GRIP1: variants seen among roughly 807,000 people sequenced by gnomAD.
GRIP1 encodes the protein glutamate receptor interacting protein 1, also known as glutamate receptor-interacting protein 1.
A neutral mutation model predicts 129.9 loss-of-function variants in GRIP1; 45 were observed. That is an observed-to-expected ratio of 0.35 (90% confidence interval 0.27 to 0.44). The LOEUF (loss-of-function observed/expected upper bound fraction) is 0.44, where lower values mean the gene tolerates loss of function less well. GRIP1 is among the 20% of genes least tolerant of loss of function. The probability of loss-of-function intolerance (pLI) is 1.00; values close to 1 mark genes in which losing one functional copy is unlikely to be tolerated. For synonymous variants in GRIP1, 530 were observed against 520.8 expected (o/e 1.02, Z -0.24); for missense variants, 1,196 against 1,396.8 (o/e 0.86, Z 2.29).
chr12:67,014,230 G>A (rs1422702498), intron 1 of GRIP1, among the ~76,000 whole-genome samples: 1 of 152,124 alleles, frequency 6.6e-6, no homozygotes, highest in Non-Finnish European at 1.5e-5. Context: ...GACAATTTCA[G>A]TTTGCCCTGG....
chr12:66,698,395 A>G (rs1388787783), intron 1 of GRIP1, among the ~76,000 whole-genome samples: 1 of 152,198 alleles, frequency 6.6e-6, no homozygotes, highest in East Asian at 1.9e-4. Context: ...GTTGAAGAGT[A>G]AAAGCTGTAC....
chr12:66,731,405 G>A (rs1732989568), intron 1 of GRIP1, among the ~76,000 whole-genome samples: 1 of 152,180 alleles, frequency 6.6e-6, no homozygotes, highest in Admixed American at 6.5e-5. Flanking sequence ...ACTGTGGGAT[G>A]AAGGTGCTAT....
At chr12:66,831,153 T>C (rs149113186) in intron 1 of GRIP1, among the ~76,000 whole-genome samples, 2 of 152,178 alleles carry the variant, frequency 1.3e-5, no homozygotes, top group Non-Finnish European at 2.9e-5. Context: ...GGCACACAGC[T>C]TCCTCAGGAA....
At chr12:66,601,651 A>G (rs1168582211) in intron 1 of GRIP1, among the ~76,000 whole-genome samples, 1 of 152,194 alleles carries the variant, frequency 6.6e-6, no homozygotes, top group East Asian at 1.9e-4. Flanking sequence ...GACCCCCTTA[A>G]CATCTTGATT....
At chr12:66,738,487 C>T (rs1035136121) in intron 1 of GRIP1, among the ~76,000 whole-genome samples, 5 of 152,116 alleles carry the variant, frequency 3.3e-5, no homozygotes, top group African/African-American at 1.2e-4. Context: ...TCCCAAAGTG[C>T]TAGGATCACA....
At chr12:66,524,044 C>T (rs1370899159) in intron 5 of GRIP1, among the ~76,000 whole-genome samples, 2 of 152,068 alleles carry the variant, frequency 1.3e-5, no homozygotes, top group Non-Finnish European at 2.9e-5. Context: ...CCTTAGTGAC[C>T]TACAAAGAGA....
chr12:67,043,607 C>T (rs890526900), intron 1 of GRIP1, among the ~76,000 whole-genome samples: 8 of 152,114 alleles, frequency 5.3e-5, no homozygotes, highest in South Asian at 2.1e-4. Flanking sequence ...TTTTCTTCTA[C>T]GCCCCCCATT....
At chr12:66,812,958 T>C (rs998371780) in intron 1 of GRIP1, among the ~76,000 whole-genome samples, 1 of 152,132 alleles carries the variant, frequency 6.6e-6, no homozygotes, top group African/African-American at 2.4e-5. Flanking sequence ...TGCCAGGCAC[T>C]ATTCACACTC....
chr12:66,551,752 T>C (rs571344009), intron 2 of GRIP1, among the ~76,000 whole-genome samples: 2 of 152,058 alleles, frequency 1.3e-5, no homozygotes, highest in East Asian at 3.9e-4. Flanking sequence ...TTTGTTGTTG[T>C]TGTTGTTGTT....
intron 1 of GRIP1, among the ~76,000 whole-genome samples, chr12:67,025,864 A>T (rs978459467): frequency 6.6e-6 from 1 of 152,372 alleles, no homozygotes; most frequent in African/African-American, 2.4e-5. Flanking sequence ...TTTAATTATC[A>T]TGTATAACAG....
In GRIP1 at chr12:66,537,924, C is replaced by T. The variant is rs554565903; in HGVS notation, c.418+1154G>A. ...AACTGGTGCCGCTGTTCTTCCTCTG[C>T]GTTATGATTATAGCAATTCCTCCTT... On this transcript the variant is annotated intron_variant, in intron 4 of 24. Transcript: ENST00000359742. Among the ~76,000 whole-genome samples the T allele has an allele frequency of 1.1e-4, 17 of 152,312 alleles. 1 individual carries two copies. The highest frequency in any genetic ancestry group is 8.3e-4 in the South Asian group (4 of 4,832).
intron 1 of GRIP1, among the ~76,000 whole-genome samples, chr12:66,740,178 A>G (rs2036743536): frequency 6.6e-6 from 1 of 152,212 alleles, no homozygotes; most frequent in South Asian, 2.1e-4. Flanking sequence ...CATGTCTGTT[A>G]GATCACTGAT....
intron 1 of GRIP1, among the ~76,000 whole-genome samples, chr12:66,746,110 G>A (rs1259090957): frequency 6.6e-6 from 1 of 152,116 alleles, no homozygotes; most frequent in Non-Finnish European, 1.5e-5. Context: ...TTTGCTGGCT[G>A]CCACATCGAT....
At chr12:66,818,333 A>C (rs1334752444) in intron 1 of GRIP1, among the ~76,000 whole-genome samples, 3 of 152,230 alleles carry the variant, frequency 2.0e-5, no homozygotes, top group Admixed American at 6.5e-5. Flanking sequence ...AATGGTAGAT[A>C]CAAGTTTTCC....
chr12:66,403,978 G>A, intron 16 of GRIP1, among the ~76,000 whole-genome samples: 1 of 152,152 alleles, frequency 6.6e-6, no homozygotes, highest in Admixed American at 6.5e-5. Context: ...GACATCTGCT[G>A]AGCAGGGCAA....
chr12:66,466,734 G>T (rs1285369736), intron 7 of GRIP1, among the ~76,000 whole-genome samples: 1 of 152,112 alleles, frequency 6.6e-6, no homozygotes, highest in Non-Finnish European at 1.5e-5. Context: ...GCTATATTAT[G>T]ACCTCAAGCC....
intron 17 of GRIP1, among the ~76,000 whole-genome samples, chr12:66,393,242 G>C (rs2056662577): frequency 8.0e-6 from 1 of 125,656 alleles, no homozygotes; most frequent in Non-Finnish European, 1.6e-5. Flanking sequence ...CCAGTGGCAC[G>C]ATCTTGGCTC....
intron 7 of GRIP1, among the ~76,000 whole-genome samples, chr12:66,496,869 GA>G (rs2060252421): frequency 1.3e-5 from 1 of 76,102 alleles, no homozygotes; most frequent in Non-Finnish European, 3.0e-5. Flanking sequence ...AGAAAAGAAA[GA>G]GAGAGGATAG....
chr12:66,951,186 TGAA>T (rs1171484475), intron 1 of GRIP1, among the ~76,000 whole-genome samples: 1 of 152,234 alleles, frequency 6.6e-6, no homozygotes, highest in East Asian at 1.9e-4. Flanking sequence ...AAAAACATAA[TGAA>T]GACTCAACTA....
Sources: gnomAD v4.1 joint callset for allele counts (sites outside exome capture counted in the v4.1 genomes callset) on GRCh38, gnomAD v4.1.1 for gene constraint, MANE v1.5 for transcripts, NCBI Gene and HGNC (gene_info 2026-07-23, HGNC 2026-07-21) for gene names.